PPP2R5E: variants seen among roughly 807,000 people sequenced by gnomAD.
PPP2R5E encodes serine/threonine-protein phosphatase 2A 56 kDa regulatory subunit epsilon isoform.
In PPP2R5E, 4 loss-of-function variants were observed where a neutral mutation model predicts 65.3. The ratio of observed to expected loss-of-function variants is 0.06; its 90% CI spans 0.03 to 0.14. The LOEUF is 0.14. PPP2R5E is among the 10% of genes least tolerant of loss of function. The pLI, the probability that PPP2R5E is intolerant of heterozygous loss-of-function variation, is 1.00. For synonymous variants in PPP2R5E, 183 were observed against 187.4 expected (o/e 0.98, Z 0.19); for missense variants, 274 against 556.1 (o/e 0.49, Z 5.10).
At chr14:63,425,110 G>A (rs1462701765) in intron 3 of PPP2R5E, among the ~76,000 whole-genome samples, 1 of 152,154 alleles carries the variant, frequency 6.6e-6, no homozygotes, top group East Asian at 1.9e-4. Context: ...AGGATCCCCA[G>A]TGTTCTTTCT....
At chr14:63,403,137 T>G (rs1885851538) in intron 5 of PPP2R5E, among the ~76,000 whole-genome samples, 1 of 152,024 alleles carries the variant, frequency 6.6e-6, no homozygotes, top group African/African-American at 2.4e-5. Flanking sequence ...CAATAAAGTA[T>G]GTAGGCAGGC....
intron 10 of PPP2R5E, among the ~76,000 whole-genome samples, chr14:63,391,449 G>C (rs1285563734): frequency 6.7e-6 from 1 of 148,914 alleles, no homozygotes; most frequent in Non-Finnish European, 1.5e-5. Flanking sequence ...TTGAGACAGA[G>C]TTCACTCTTG....
rs539354780 is a variant in PPP2R5E at position 63,447,869 on chromosome 14, C to T, written c.354+5820G>A. Among the ~76,000 whole-genome samples, 32 of 152,102 alleles carry T rather than the reference C, an allele frequency of 2.1e-4. No individual in the cohort carries two copies. In the South Asian group the frequency reaches 4.0e-3, roughly 19 times the overall value. On this transcript the variant is annotated intron_variant, in intron 3 of 13. Coordinates refer to ENST00000337537, the MANE Select transcript of PPP2R5E (RefSeq NM_006246.5). ...GCCTAATTTCAATACTGTTGTGTCTCGGGGAATAGGGAGGCCTGAGAAGAG... is the reference window on the plus strand; with the variant it reads ...GCCTAATTTCAATACTGTTGTGTCTTGGGGAATAGGGAGGCCTGAGAAGAG...
chr14:63,470,567 TA>T (rs896800446), intron 2 of PPP2R5E, among the ~76,000 whole-genome samples: 2 of 151,950 alleles, frequency 1.3e-5, no homozygotes, highest in African/African-American at 4.8e-5. Flanking sequence ...TTTATATTAT[TA>T]AAAAATACTT....
At chr14:63,540,409 C>G (rs1594987298) in intron 1 of PPP2R5E, among the ~76,000 whole-genome samples, 1 of 113,756 alleles carries the variant, frequency 8.8e-6, no homozygotes, top group Non-Finnish European at 1.7e-5. Context: ...CCAGCCTGGG[C>G]AACAGAGCAA....
chr14:63,435,581 A>G (rs1293126047), intron 3 of PPP2R5E, among the ~76,000 whole-genome samples: 1 of 152,172 alleles, frequency 6.6e-6, no homozygotes, highest in Non-Finnish European at 1.5e-5. Flanking sequence ...CCTCCTGTTC[A>G]AAAATCCTTA....
chr14:63,525,974 A>C (rs1893169729), intron 2 of PPP2R5E, among the ~76,000 whole-genome samples: 2 of 152,116 alleles, frequency 1.3e-5, no homozygotes, highest in African/African-American at 4.8e-5. Flanking sequence ...CTCCTGCCTC[A>C]GCCTCCCAAG....
chr14:63,531,387 T>A (rs1893428338), intron 2 of PPP2R5E, among the ~76,000 whole-genome samples: 1 of 152,002 alleles, frequency 6.6e-6, no homozygotes, highest in African/African-American at 2.4e-5. Flanking sequence ...CATGCGGTGT[T>A]TGGTTTTTTG....
chr14:63,382,003 G>GA, intron 13 of PPP2R5E, 53 bp downstream of exon 13: 1 of 1,453,270 alleles, frequency 6.9e-7, no homozygotes, highest in Non-Finnish European at 9.4e-7. Flanking sequence ...AAAGAGCAAG[G>GA]AAAAAACTCA....
chr14:63,540,849 C>T (rs1377116869), intron 1 of PPP2R5E, among the ~76,000 whole-genome samples: 1 of 152,170 alleles, frequency 6.6e-6, no homozygotes, highest in Non-Finnish European at 1.5e-5. Context: ...TTGTGCCACT[C>T]CATTATAAGC....
rs547992701 is a variant in PPP2R5E, at chr14:63,465,356, G to A, written c.158-11471C>T. Among the ~76,000 whole-genome samples the A allele has an allele frequency of 9.3e-4, 138 of 148,306 alleles. 1 individual carries two copies. Among genetic ancestry groups the A allele is most frequent in the Middle Eastern group, 3.6e-3 (1 of 280 alleles). ...TGACCGGGCATGGTGGCTCACGCCC[G>A]TAATCCCAGCACTTTGGAAGGCTGA... On this transcript the variant is annotated intron_variant, in intron 2 of 13. Transcript: ENST00000337537.
chr14:63,452,385 TG>T (rs1257207003), intron 3 of PPP2R5E: 2 of 152,186 alleles, frequency 1.3e-5, no homozygotes, highest in Non-Finnish European at 2.9e-5. Context: ...TTCTTTATTG[TG>T]GGGGCCACCC....
intron 3 of PPP2R5E, among the ~76,000 whole-genome samples, chr14:63,434,955 C>T (rs1352058458): frequency 6.6e-6 from 1 of 152,132 alleles, no homozygotes; most frequent in Non-Finnish European, 1.5e-5. Context: ...AACAATGGTA[C>T]ATCCACATAA....
intron 11 of PPP2R5E, among the ~76,000 whole-genome samples, chr14:63,386,490 A>C (rs958674338): frequency 1.3e-5 from 2 of 152,172 alleles, no homozygotes; most frequent in Non-Finnish European, 2.9e-5. Context: ...TGGTGGGAGA[A>C]GGGGCATCTA....
chr14:63,525,511 A>G (rs1893153187), intron 2 of PPP2R5E, among the ~76,000 whole-genome samples: 1 of 152,230 alleles, frequency 6.6e-6, no homozygotes. Context: ...GAGATGACAA[A>G]TTCTGTCTCC....
chr14:63,513,391 C>T (rs1892539636), intron 2 of PPP2R5E, among the ~76,000 whole-genome samples: 1 of 152,176 alleles, frequency 6.6e-6, no homozygotes, highest in African/African-American at 2.4e-5. Context: ...AAAATCTCCC[C>T]TCAAATACTG....
chr14:63,420,626 A>G (rs1451745146), intron 4 of PPP2R5E, among the ~76,000 whole-genome samples: 4 of 152,236 alleles, frequency 2.6e-5, no homozygotes, highest in Non-Finnish European at 5.9e-5. Flanking sequence ...GTGTACTTGC[A>G]GAAACTTTGA....
At chr14:63,441,792 C>A (rs1486668149) in intron 3 of PPP2R5E, among the ~76,000 whole-genome samples, 1 of 151,878 alleles carries the variant, frequency 6.6e-6, no homozygotes, top group Non-Finnish European at 1.5e-5. Context: ...CACCTGTAGT[C>A]CCAGCTACTC....
At chr14:63,538,861 C>G (rs1387628507) in intron 2 of PPP2R5E, among the ~76,000 whole-genome samples, 1 of 151,898 alleles carries the variant, frequency 6.6e-6, no homozygotes, top group African/African-American at 2.4e-5. Context: ...AGGAAAATCA[C>G]TTGAACCCAG....
Sources: gnomAD v4.1 joint callset for allele counts (sites outside exome capture counted in the v4.1 genomes callset) on GRCh38, gnomAD v4.1.1 for gene constraint, MANE v1.5 for transcripts, NCBI Gene and HGNC (gene_info 2026-07-23, HGNC 2026-07-21) for gene names.